TYW1: variants seen among roughly 807,000 people sequenced by gnomAD.
The protein encoded by TYW1 is tRNA-yW synthesizing protein 1 homolog.
Under a neutral mutation model 96.2 loss-of-function variants are expected in TYW1, and 46 were observed. The ratio of observed to expected loss-of-function variants is 0.48; its 90% CI spans 0.38 to 0.61. TYW1 has a LOEUF of 0.61. TYW1 is among the 20% of genes least tolerant of loss of function. TYW1 has a pLI of 0.00. For synonymous variants in TYW1, 274 were observed against 323.0 expected, an observed-to-expected ratio of 0.85 and a Z score of 1.63; for missense variants, 684 against 909.6, an observed-to-expected ratio of 0.75 and a Z score of 3.19.
At chr7:67,046,002 C>T (rs1001860154) in intron 7 of TYW1, among the ~76,000 whole-genome samples, 3 of 152,084 alleles carry the variant, frequency 2.0e-5, no homozygotes, top group Non-Finnish European at 2.9e-5. Context: ...TATTGGGAGT[C>T]GACTGGCAAG....
chr7:67,061,690 G>A (rs1392704826), intron 9 of TYW1, among the ~76,000 whole-genome samples: 2 of 152,158 alleles, frequency 1.3e-5, no homozygotes, highest in African/African-American at 4.8e-5. Context: ...CTACTTGAGA[G>A]CAGATTTTTA....
intron 7 of TYW1, among the ~76,000 whole-genome samples, chr7:67,048,423 C>T (rs967087763): frequency 8.7e-5 from 13 of 150,158 alleles, no homozygotes; most frequent in African/African-American, 3.2e-4. Flanking sequence ...CTGCAGCTGT[C>T]AGTAAGATTT....
chr7:67,044,943 T>C (rs1795140697), intron 7 of TYW1, among the ~76,000 whole-genome samples: 1 of 152,062 alleles, frequency 6.6e-6, no homozygotes, highest in African/African-American at 2.4e-5. Context: ...CTATAGGAAT[T>C]GATAAGAAAA....
intron 13 of TYW1, among the ~76,000 whole-genome samples, chr7:67,143,796 T>C (rs2116125252): frequency 6.6e-6 from 1 of 152,324 alleles, no homozygotes; most frequent in East Asian, 1.9e-4. Flanking sequence ...GAGAGAGCTT[T>C]TAAAAGGCTG....
chr7:67,108,443 C>CT (rs11433479), intron 12 of TYW1, among the ~76,000 whole-genome samples: 38,687 of 134,712 alleles, frequency 0.29, 6,119 homozygotes, highest in African/African-American at 0.42. Context: ...CAGATTTTTT[C>CT]TTTTTTTTTT....
chr7:67,083,503 A>G lies in TYW1; in HGVS notation c.1348A>G (p.Ile450Val), dbSNP rs753307839. 1.9e-6 allele frequency: 3 copies of G among 1,614,162 alleles called. No individual in the cohort carries two copies. Among genetic ancestry groups the G allele is most frequent in the East Asian group, 4.5e-5 (2 of 44,872 alleles). ...GCCTGAAATGATCTTGAAGGAAGCC[A>G]TTGAAAACCATCAGAACATGATTAA... ...DQPEMILKEAIENHQNMIKQF... is the reference protein window; with the variant it reads ...DQPEMILKEAVENHQNMIKQF... The change falls in exon 11 of 16, where the codon ATT (isoleucine) becomes GTT (valine). Residue 450 changes from isoleucine to valine, a missense_variant. Transcript: ENST00000359626.
intron 10 of TYW1, among the ~76,000 whole-genome samples, chr7:67,070,592 C>G (rs1399651255): frequency 6.6e-6 from 1 of 152,018 alleles, no homozygotes; most frequent in Non-Finnish European, 1.5e-5. Flanking sequence ...TGTTTGGTTC[C>G]TTCTTATCAT....
chr7:67,207,143 G>A (rs190438967), intron 15 of TYW1, among the ~76,000 whole-genome samples: 1 of 152,170 alleles, frequency 6.6e-6, no homozygotes, highest in Admixed American at 6.5e-5. Context: ...TGTCAGATCT[G>A]TATGTACATA....
chr7:67,004,464 G>A (rs1028130029), intron 3 of TYW1, among the ~76,000 whole-genome samples: 1 of 152,134 alleles, frequency 6.6e-6, no homozygotes, highest in South Asian at 2.1e-4. Context: ...CTTTGTGCTC[G>A]CCAGCTCCCT....
chr7:67,046,413 C>A (rs1304314496), intron 7 of TYW1, among the ~76,000 whole-genome samples: 3 of 152,116 alleles, frequency 2.0e-5, no homozygotes, highest in African/African-American at 7.2e-5. Context: ...GTTTACTACA[C>A]ATAATTGAAC....
chr7:67,049,931 T>G lies in TYW1; in HGVS notation c.985-18T>G. The G allele has an allele frequency of 6.2e-7, 1 of 1,613,564 alleles. No individual in the cohort carries two copies. Among genetic ancestry groups the G allele is most frequent in the Non-Finnish European group, 8.5e-7 (1 of 1,179,768 alleles). On this transcript the variant is annotated intron_variant, in intron 7 of 15. Transcript: ENST00000359626. ...ACATTACCAATTCTGGATTTCATTC[T>G]TTTTTATTTTAATGCAGAGAGAAAA... is the stretch of plus-strand genomic sequence containing the variant.
intron 13 of TYW1, among the ~76,000 whole-genome samples, chr7:67,118,852 C>T (rs377385008): frequency 9.7e-4 from 120 of 124,196 alleles, no homozygotes; most frequent in Middle Eastern, 5.8e-3. Context: ...TGCACTCCAG[C>T]GTGGGTGACA....
At chr7:67,139,389 C>T (rs2949154) in intron 13 of TYW1, among the ~76,000 whole-genome samples, 2 of 152,112 alleles carry the variant, frequency 1.3e-5, no homozygotes, top group African/African-American at 4.8e-5. Flanking sequence ...TTTCTAAAAT[C>T]GAGCAAGTAT....
At chr7:66,997,686 T>A (rs1793231078) in intron 1 of TYW1, among the ~76,000 whole-genome samples, 1 of 125,014 alleles carries the variant, frequency 8.0e-6, no homozygotes, top group African/African-American at 3.1e-5. Context: ...TGGAGTGCGG[T>A]GGCGCAATCT....
intron 14 of TYW1, among the ~76,000 whole-genome samples, chr7:67,190,083 C>T (rs3864343): frequency 0.29 from 42,883 of 150,426 alleles, 6,799 homozygotes; most frequent in African/African-American, 0.43. Flanking sequence ...TGTCAAATGA[C>T]TTAAAACTAC....
At chr7:67,084,000 A>T (rs991521105) in intron 11 of TYW1, among the ~76,000 whole-genome samples, 2 of 152,196 alleles carry the variant, frequency 1.3e-5, no homozygotes, top group African/African-American at 2.4e-5. Context: ...TCTCCACTCC[A>T]CTCCAACCTG....
chr7:67,005,493 G>A (rs952097364), intron 3 of TYW1, among the ~76,000 whole-genome samples: 4 of 152,190 alleles, frequency 2.6e-5, no homozygotes, highest in Admixed American at 2.0e-4. Flanking sequence ...CTACTTGGGC[G>A]GCTGAGGTGG....
At chr7:67,220,725 T>G (rs1035192980) in intron 15 of TYW1, among the ~76,000 whole-genome samples, 15 of 143,370 alleles carry the variant, frequency 1.0e-4, no homozygotes, top group African/African-American at 4.0e-4. Flanking sequence ...AGTGCTTTAT[T>G]TTCTTTCTTT....
chr7:67,004,568 A>T (rs562886816), intron 3 of TYW1, among the ~76,000 whole-genome samples: 126 of 152,306 alleles, frequency 8.3e-4, no homozygotes, highest in Non-Finnish European at 1.5e-3. Flanking sequence ...AGAATTGTGA[A>T]CCAAATAAAC....
Sources: allele counts gnomAD v4.1 joint callset (sites outside exome capture counted in the v4.1 genomes callset), GRCh38; gene constraint gnomAD v4.1.1; transcripts MANE v1.5; gene names NCBI Gene and HGNC (gene_info 2026-07-23, HGNC 2026-07-21).